Variants in RNF111 observed in about 807,000 individuals in gnomAD.
RNF111 encodes ring finger protein 111.
RNF111 carries 17 observed loss-of-function variants against 95.1 expected under a neutral mutation model. The observed-to-expected ratio is 0.18, with a 90% confidence interval of 0.12 to 0.27. The LOEUF (loss-of-function observed/expected upper bound fraction) is 0.27, where lower values mean the gene tolerates loss of function less well. Among genes scored for constraint, RNF111 ranks in the 10% least tolerant of loss-of-function variants. RNF111 has a pLI of 1.00. For missense variants in RNF111, 1,189 were observed against 1,210.4 expected (o/e 0.98, Z 0.26); for synonymous variants, 440 against 414.8 (o/e 1.06, Z -0.74).
chr15:59,000,871 T>C (rs2039296436), intron 1 of RNF111, among the ~76,000 whole-genome samples: 2 of 152,170 alleles, frequency 1.3e-5, no homozygotes, highest in African/African-American at 2.4e-5. Flanking sequence ...AAATATGTGT[T>C]CTAAGCTTTT....
chr15:59,026,522 C>T (rs2040619226), intron 1 of RNF111, among the ~76,000 whole-genome samples: 1 of 152,110 alleles, frequency 6.6e-6, no homozygotes, highest in South Asian at 2.1e-4. Flanking sequence ...CATTTGCCTC[C>T]TTTGTAAATT....
intron 6 of RNF111, among the ~76,000 whole-genome samples, chr15:59,067,435 C>T (rs370378410): frequency 1.3e-5 from 2 of 151,958 alleles, no homozygotes; most frequent in South Asian, 2.1e-4. Context: ...TAAAACCAAC[C>T]CACCTTTCTT....
chr15:59,038,097 AAAT>A (rs2041271363), intron 2 of RNF111, among the ~76,000 whole-genome samples: 1 of 152,204 alleles, frequency 6.6e-6, no homozygotes, highest in Non-Finnish European at 1.5e-5. Context: ...CATTTCCTGA[AAAT>A]AATTTTATTC....
chr15:59,043,524 G>A (rs1213099575), intron 2 of RNF111, among the ~76,000 whole-genome samples: 1 of 152,148 alleles, frequency 6.6e-6, no homozygotes, highest in Non-Finnish European at 1.5e-5. Context: ...ACTGCCATTA[G>A]TCATGAAGAT....
intron 10 of RNF111, 147 bp downstream of exon 10, chr15:59,085,932 A>G (rs1481153892): frequency 7.2e-6 from 5 of 695,642 alleles, no homozygotes; most frequent in Non-Finnish European, 1.1e-5. Context: ...ATAAAAAGGT[A>G]TTAGATGTAT....
At chr15:59,067,659 A>T (rs1315925923) in intron 6 of RNF111, among the ~76,000 whole-genome samples, 1 of 152,234 alleles carries the variant, frequency 6.6e-6, no homozygotes, top group African/African-American at 2.4e-5. Flanking sequence ...TTAATCTAAA[A>T]ATCACTTTTT....
At chr15:59,033,373 G>A (rs1236568490) in intron 2 of RNF111, among the ~76,000 whole-genome samples, 1 of 152,152 alleles carries the variant, frequency 6.6e-6, no homozygotes, top group Non-Finnish European at 1.5e-5. Context: ...GCTTGGCCAT[G>A]TTCAGATCAG....
intron 1 of RNF111, among the ~76,000 whole-genome samples, chr15:59,022,026 A>C (rs2040369189): frequency 6.6e-6 from 1 of 151,770 alleles, no homozygotes; most frequent in Admixed American, 6.6e-5. Context: ...TGCCTGGCTA[A>C]TTTTTGTATT....
chr15:59,043,224 C>T (rs1364981869), intron 2 of RNF111, among the ~76,000 whole-genome samples: 5 of 151,388 alleles, frequency 3.3e-5, no homozygotes, highest in African/African-American at 4.9e-5. Context: ...GTGCGATCTC[C>T]GCTCACTGCA....
At chr15:59,034,012 A>G (rs2041047692) in intron 2 of RNF111, among the ~76,000 whole-genome samples, 1 of 152,228 alleles carries the variant, frequency 6.6e-6, no homozygotes, top group Non-Finnish European at 1.5e-5. Context: ...TAAAATAGAA[A>G]ATAAAAGTTT....
intron 1 of RNF111, among the ~76,000 whole-genome samples, chr15:59,022,015 A>G (rs1198815130): frequency 6.6e-6 from 1 of 151,900 alleles, no homozygotes; most frequent in African/African-American, 2.4e-5. Flanking sequence ...GCGTGCCACC[A>G]TGCCTGGCTA....
chr15:59,010,346 G>GTGTC (rs1443902481), intron 1 of RNF111, among the ~76,000 whole-genome samples: 1 of 152,104 alleles, frequency 6.6e-6, no homozygotes, highest in Non-Finnish European at 1.5e-5. Flanking sequence ...TTTTGCAGCT[G>GTGTC]TGTCTGTCTT....
rs1454691174 is a variant in RNF111 at position 59,092,648 on chromosome 15, G to C, written c.2843+8G>C. ...GGAAGGTGAAGATGTGAGGTAACTAGATATTAATTATCTAAAATCCATTGT... is the reference window on the plus strand; with the variant it reads ...GGAAGGTGAAGATGTGAGGTAACTACATATTAATTATCTAAAATCCATTGT... On this transcript the variant is annotated splice_region_variant and intron_variant, in intron 13 of 13. Transcript: ENST00000348370. 1.9e-6 allele frequency: 3 copies of C among 1,599,894 alleles called. No homozygotes were observed. Among genetic ancestry groups the C allele is most frequent in the Non-Finnish European group, 2.6e-6 (3 of 1,172,382 alleles).
chr15:59,082,083 C>T (rs1477557014), intron 8 of RNF111, among the ~76,000 whole-genome samples: 1 of 152,120 alleles, frequency 6.6e-6, no homozygotes, highest in Non-Finnish European at 1.5e-5. Context: ...GTCTCTCCCC[C>T]TCTCCCCAAA....
Position 59,066,961 on chromosome 15 carries a change from C to T in RNF111, c.1564C>T (p.Pro522Ser), listed in dbSNP as rs375108385. ...ACATCATCACCACCACCACCATACTCCCCACCCAGCTGTCCCAGTTTCTCC... is the reference window on the plus strand; with the variant it reads ...ACATCATCACCACCACCACCATACTTCCCACCCAGCTGTCCCAGTTTCTCC... ...FQHHHHHHHT[P>S]HPAVPVSPSF... is the part of the protein sequence containing the mutation. The change falls in exon 6 of 14, where the codon CCC (proline) becomes TCC (serine). Residue 522 changes from proline to serine, a missense_variant. Coordinates refer to ENST00000348370, the MANE Select transcript of RNF111 (RefSeq NM_017610.8). 6.2e-7 allele frequency: 1 copy of T among 1,614,148 alleles called. No homozygotes were observed. Among genetic ancestry groups the T allele is most frequent in the South Asian group, 1.1e-5 (1 of 91,080 alleles).
chr15:59,047,253 T>C (rs1460873962), intron 2 of RNF111, among the ~76,000 whole-genome samples: 2 of 152,202 alleles, frequency 1.3e-5, no homozygotes, highest in African/African-American at 2.4e-5. Context: ...CCTAGCACTT[T>C]GGGAGTCCAA....
At chr15:59,051,192 G>A (rs563413156) in intron 2 of RNF111, among the ~76,000 whole-genome samples, 2 of 152,286 alleles carry the variant, frequency 1.3e-5, no homozygotes, top group African/African-American at 4.8e-5. Flanking sequence ...GGTGGCTCAC[G>A]CCTGTAATCC....
intron 1 of RNF111, among the ~76,000 whole-genome samples, chr15:58,999,336 A>G (rs1321538884): frequency 6.6e-6 from 1 of 152,142 alleles, no homozygotes; most frequent in Non-Finnish European, 1.5e-5. Context: ...ATGGGTTTGC[A>G]GTGGGGTTTG....
At chr15:59,046,308 G>A (rs866400241) in intron 2 of RNF111, among the ~76,000 whole-genome samples, 1 of 147,232 alleles carries the variant, frequency 6.8e-6, no homozygotes, top group African/African-American at 2.7e-5. Context: ...ATCCTCCCAC[G>A]TCAGCCTCCT....
Sources: gnomAD v4.1 joint callset for allele counts (sites outside exome capture counted in the v4.1 genomes callset) on GRCh38, gnomAD v4.1.1 for gene constraint, MANE v1.5 for transcripts, NCBI Gene and HGNC (gene_info 2026-07-23, HGNC 2026-07-21) for gene names.